Variants in DPP10 observed in about 807,000 individuals in gnomAD.
The protein encoded by DPP10 is dipeptidyl peptidase like 10.
DPP10 carries 33 observed loss-of-function variants against 120.9 expected under a neutral mutation model. The ratio of observed to expected loss-of-function variants is 0.27; its 90% CI spans 0.21 to 0.37. DPP10 has a LOEUF of 0.37. DPP10 is among the 10% of genes least tolerant of loss of function. The pLI is 1.00. For missense variants in DPP10, 816 were observed against 942.8 expected (o/e 0.87, Z 1.76); for synonymous variants, 337 against 326.1 (o/e 1.03, Z -0.36).
chr2:115,070,143 T>C (rs1707251712), intron 1 of DPP10, among the ~76,000 whole-genome samples: 1 of 152,018 alleles, frequency 6.6e-6, no homozygotes, highest in Admixed American at 6.6e-5. Context: ...AAATGAGAAA[T>C]ACATTATGTG....
intron 1 of DPP10, among the ~76,000 whole-genome samples, chr2:115,110,507 TTTAAG>T (rs2049162136): frequency 6.6e-6 from 1 of 152,146 alleles, no homozygotes; most frequent in African/African-American, 2.4e-5. Flanking sequence ...AATTAAAGGA[TTTAAG>T]TTATTTTACT....
At chr2:115,593,641 G>C (rs1359861181) in intron 5 of DPP10, among the ~76,000 whole-genome samples, 1 of 152,104 alleles carries the variant, frequency 6.6e-6, no homozygotes, top group Non-Finnish European at 1.5e-5. Context: ...CTAAAATGTA[G>C]AGAAAAAATG....
At chr2:115,338,801 C>T (rs1254109252) in intron 2 of DPP10, among the ~76,000 whole-genome samples, 2 of 152,056 alleles carry the variant, frequency 1.3e-5, no homozygotes, top group Non-Finnish European at 2.9e-5. Flanking sequence ...CAAAAAGTAA[C>T]TCAAAATAGA....
intron 1 of DPP10, among the ~76,000 whole-genome samples, chr2:115,103,544 A>C (rs13006082): frequency 0.24 from 36,441 of 152,100 alleles, 5,074 homozygotes; most frequent in East Asian, 0.31. Flanking sequence ...ACCATCTCCA[A>C]AACTTGGTTT....
At chr2:115,759,329 T>C (rs1226419733) in intron 11 of DPP10, among the ~76,000 whole-genome samples, 1 of 151,556 alleles carries the variant, frequency 6.6e-6, no homozygotes, top group African/African-American at 2.4e-5. Context: ...GAGGCTGACA[T>C]GAGAGGATCT....
At chr2:115,646,613 G>C (rs2087282309) in intron 5 of DPP10, among the ~76,000 whole-genome samples, 1 of 152,126 alleles carries the variant, frequency 6.6e-6, no homozygotes, top group Non-Finnish European at 1.5e-5. Context: ...TTCCTACGTA[G>C]ATGGCTATAC....
At chr2:115,042,883 A>T (rs1025677046) in intron 1 of DPP10, among the ~76,000 whole-genome samples, 29 of 152,162 alleles carry the variant, frequency 1.9e-4, no homozygotes, top group African/African-American at 6.3e-4. Context: ...GCTAATAATC[A>T]AGGACTCTGT....
chr2:115,687,120 T>A (rs2091034623), intron 5 of DPP10, among the ~76,000 whole-genome samples: 1 of 151,970 alleles, frequency 6.6e-6, no homozygotes, highest in South Asian at 2.1e-4. Flanking sequence ...CAGGGTGAAT[T>A]TAGACCAGAA....
intron 3 of DPP10, among the ~76,000 whole-genome samples, chr2:115,371,108 TACA>T (rs2065380401): frequency 1.3e-5 from 2 of 152,170 alleles, no homozygotes; most frequent in Admixed American, 1.3e-4. Context: ...TTGGGGATCG[TACA>T]ACATCTGCTA....
chr2:114,917,325 T>A (rs2106636063), intron 1 of DPP10, among the ~76,000 whole-genome samples: 1 of 152,160 alleles, frequency 6.6e-6, no homozygotes, highest in Non-Finnish European at 1.5e-5. Flanking sequence ...AGAGACGACA[T>A]AAACAAATGG....
At chr2:115,541,258 T>G (rs2148963781) in intron 5 of DPP10, among the ~76,000 whole-genome samples, 1 of 152,052 alleles carries the variant, frequency 6.6e-6, no homozygotes, top group Admixed American at 6.6e-5. Context: ...ATATCCTGTT[T>G]CCTGTTATTG....
intron 1 of DPP10, among the ~76,000 whole-genome samples, chr2:114,577,734 G>T (rs1690174324): frequency 6.6e-6 from 1 of 152,124 alleles, no homozygotes; most frequent in Non-Finnish European, 1.5e-5. Context: ...AGCCAGGTTG[G>T]TTTCTTCTGA....
chr2:115,061,821 G>A (rs1378015240), intron 1 of DPP10, among the ~76,000 whole-genome samples: 1 of 152,104 alleles, frequency 6.6e-6, no homozygotes, highest in Non-Finnish European at 1.5e-5. Flanking sequence ...AATGAGCACA[G>A]CATGTTGAAG....
At chr2:115,295,615 T>C (rs1185459459) in intron 1 of DPP10, among the ~76,000 whole-genome samples, 1 of 152,130 alleles carries the variant, frequency 6.6e-6, no homozygotes, top group African/African-American at 2.4e-5. Context: ...AATGCCTATA[T>C]GGTACTTATT....
Position 115,456,186 on chromosome 2 carries a change from G to A in DPP10, c.272-43324G>A, listed in dbSNP as rs563532614. ...ACTCTTCTCAAAAGAAGATCATTATGTACCCATCAAACATATGAAAAAAAG... is the reference window on the plus strand; with the variant it reads ...ACTCTTCTCAAAAGAAGATCATTATATACCCATCAAACATATGAAAAAAAG... On this transcript the variant is annotated intron_variant, in intron 3 of 25. Coordinates refer to ENST00000410059, the MANE Select transcript of DPP10 (RefSeq NM_020868.6). 1.6e-3 allele frequency among the ~76,000 whole-genome samples: 242 copies of A among 152,212 alleles called. 1 individual carries two copies. The highest frequency in any genetic ancestry group is 2.3e-3 in the Non-Finnish European group (157 of 67,996).
At chr2:114,833,717 T>C (rs1267349726) in intron 1 of DPP10, 1 of 152,194 alleles carries the variant, frequency 6.6e-6, no homozygotes, top group East Asian at 1.9e-4. Context: ...ACATACGTCA[T>C]TGTGCTACTG....
intron 1 of DPP10, among the ~76,000 whole-genome samples, chr2:114,720,808 C>T (rs1439409960): frequency 6.6e-6 from 1 of 152,194 alleles, no homozygotes; most frequent in Non-Finnish European, 1.5e-5. Context: ...GTGAGCAGAA[C>T]TTATACATGT....
intron 1 of DPP10, among the ~76,000 whole-genome samples, chr2:114,761,761 C>T (rs1292176314): frequency 6.6e-6 from 1 of 152,198 alleles, no homozygotes; most frequent in African/African-American, 2.4e-5. Context: ...GAAACCACTG[C>T]AGACACTTCC....
At chr2:115,463,806 A>G (rs1558699401) in intron 3 of DPP10, among the ~76,000 whole-genome samples, 1 of 152,188 alleles carries the variant, frequency 6.6e-6, no homozygotes, top group Non-Finnish European at 1.5e-5. Flanking sequence ...ATCTGAGGGA[A>G]GGGTTGACTT....
Sources: allele counts gnomAD v4.1 joint callset (sites outside exome capture counted in the v4.1 genomes callset), GRCh38; gene constraint gnomAD v4.1.1; transcripts MANE v1.5; gene names NCBI Gene and HGNC (gene_info 2026-07-23, HGNC 2026-07-21).